The following KCNK17 variants were observed in gnomAD, a reference collection of about 807,000 sequenced individuals.
The protein encoded by KCNK17 is potassium two pore domain channel subfamily K member 17.
A neutral mutation model predicts 24.6 loss-of-function variants in KCNK17; 27 were observed. That is an observed-to-expected ratio of 1.10 (90% CI 0.81 to 1.51). The LOEUF (loss-of-function observed/expected upper bound fraction) is 1.51. Among genes scored for constraint, KCNK17 ranks in the 40% most tolerant of loss-of-function variants. KCNK17 has a pLI of 0.00. For missense variants in KCNK17, 450 were observed against 436.6 expected (o/e 1.03, Z -0.27); for synonymous variants, 181 against 189.8 (o/e 0.95, Z 0.38).
intron 2 of KCNK17, among the ~76,000 whole-genome samples, chr6:39,308,668 G>A (rs929682467): frequency 6.6e-6 from 1 of 152,226 alleles, no homozygotes; most frequent in African/African-American, 2.4e-5. Flanking sequence ...TCATAGATGA[G>A]TGATTTCTGG....
rs1762224374 is a variant in KCNK17, at chr6:39,314,267, C to T, written c.54G>A (p.Ala18=). The T allele has an allele frequency of 5.3e-6, 8 of 1,523,156 alleles. No homozygotes were observed. The highest frequency in any genetic ancestry group is 7.0e-6 in the Non-Finnish European group (8 of 1,139,932). 94.4% of individuals were successfully genotyped at this position (1,523,156 alleles called of 1,614,324 possible). ...AAPEGRVRGC[A]VPSTVLLLLA... ...GCAGCAGGAGCACGGTGCTGGGCAC[C>T]GCGCAGCCCCGGACCCTGCCCTCGG... The change falls in exon 1 of 5, where the codon GCG becomes GCA. Residue 18 remains alanine (A), a synonymous_variant. Transcript: ENST00000373231.
chr6:39,302,897 G>T lies in KCNK17; in HGVS notation c.688+1060C>A, dbSNP rs539049752. On this transcript the variant is annotated intron_variant, in intron 4 of 4. Transcript: ENST00000373231. ...CTTCCTGGGGACCTTGCAAACAGAG[G>T]CTAGAAGGCACTGAGGGGCTCTAGG... 7.9e-5 allele frequency among the ~76,000 whole-genome samples: 12 copies of T among 152,250 alleles called. 1 individual carries two copies. In the East Asian group the frequency reaches 2.3e-3, roughly 29 times the overall value.
rs879930003 is a variant in KCNK17, at chr6:39,299,308, T to C, written c.*119A>G. On this transcript the variant is annotated 3_prime_UTR_variant, in exon 5 of 5. Coordinates refer to ENST00000373231, the MANE Select transcript of KCNK17 (RefSeq NM_031460.4). ...ACCCTATTGGGCAGAATTAATCATA[T>C]AGCTGCACCCAGCCTCTAGGGTGGA... 21 of 740,748 alleles carry C rather than the reference T, an allele frequency of 2.8e-5. No individual in the cohort carries two copies. In the Admixed American group the frequency reaches 3.2e-4, roughly 11 times the overall value. The allele number at this position is 740,748 out of a possible 1,614,324, so 45.9% of individuals were successfully genotyped here.
intron 2 of KCNK17, among the ~76,000 whole-genome samples, chr6:39,309,565 T>C (rs1484586565): frequency 2.0e-5 from 3 of 151,996 alleles, no homozygotes; most frequent in African/African-American, 7.3e-5. Flanking sequence ...CTAGGGGTGG[T>C]AGAGCTGGGA....
Position 39,299,563 on chromosome 6 carries a change from T to C in KCNK17, c.863A>G (p.Gln288Arg). Residue 288 changes from glutamine to arginine, a missense_variant, in exon 5 of 5, where the codon CAA becomes CGA. By Grantham distance (43) the Gln-to-Arg change is conservative (BLOSUM62 1). Transcript: ENST00000373231. The part of the protein sequence containing the change: ...HHSSKEDFKS[Q>R]SWRQGPDREP... ...CCGGTCAGGTCCCTGTCTCCAGCTTTGGGACTTGAAGTCTTCCTTAGAGCT... is the reference window on the plus strand; with the variant it reads ...CCGGTCAGGTCCCTGTCTCCAGCTTCGGGACTTGAAGTCTTCCTTAGAGCT... 2.5e-6 allele frequency: 4 copies of C among 1,614,190 alleles called. No individual in the cohort carries two copies. Among genetic ancestry groups the C allele is most frequent in the Non-Finnish European group, 3.4e-6 (4 of 1,180,032 alleles).
intron 2 of KCNK17, among the ~76,000 whole-genome samples, chr6:39,306,766 G>GTT (rs34588404): frequency 0.015 from 1,919 of 130,480 alleles, 24 homozygotes; most frequent in African/African-American, 0.023. Context: ...TTCTTTCTTT[G>GTT]TTTTTTTTTT....
rs148824256 is a variant in KCNK17, at chr6:39,300,280, G to A, written c.689-543C>T. ...CGGGACTACAGGCGCCTGCCGCCAC[G>A]CCCGGCTATTTTTTTGTATTTTAGT... On this transcript the variant is annotated intron_variant, in intron 4 of 4. Coordinates refer to ENST00000373231, the MANE Select transcript of KCNK17 (RefSeq NM_031460.4). 1,098 of 577,982 alleles carry A rather than the reference G, an allele frequency of 1.9e-3. 11 individuals are homozygous for A. Among genetic ancestry groups the A allele is most frequent in the African/African-American group, 0.018 (980 of 53,148 alleles). 35.8% of individuals were successfully genotyped at this position (577,982 alleles called of 1,614,324 possible).
intron 2 of KCNK17, among the ~76,000 whole-genome samples, chr6:39,305,703 G>A (rs978649615): frequency 6.6e-6 from 1 of 152,136 alleles, no homozygotes; most frequent in African/African-American, 2.4e-5. Context: ...TCTCCTGTCT[G>A]CTGGGGAAAG....
intron 4 of KCNK17, among the ~76,000 whole-genome samples, chr6:39,303,273 A>G (rs1761973616): frequency 6.6e-6 from 1 of 152,172 alleles, no homozygotes; most frequent in African/African-American, 2.4e-5. Context: ...TAGTGGTGCC[A>G]GCGGCACCTT....
rs146698175 is a variant in KCNK17, at chr6:39,308,400, C to T, written c.352+2493G>A. 1.4e-3 allele frequency among the ~76,000 whole-genome samples: 219 copies of T among 152,360 alleles called. 2 individuals carry two copies. The highest frequency in any genetic ancestry group is 5.2e-3 in the African/African-American group (216 of 41,582). On this transcript the variant is annotated intron_variant, in intron 2 of 4. Coordinates refer to ENST00000373231, the MANE Select transcript of KCNK17 (RefSeq NM_031460.4). ...CCGCCTCCCAGGCTCAAGCGATTCT[C>T]GTGCTTCTGCCTCCCAAATAGCTGG... is the stretch of plus-strand genomic sequence containing the variant.
intron 4 of KCNK17, among the ~76,000 whole-genome samples, chr6:39,301,515 T>G (rs1214534912): frequency 6.6e-6 from 1 of 152,268 alleles, no homozygotes; most frequent in Non-Finnish European, 1.5e-5. Flanking sequence ...ATGATTCCGC[T>G]GATGGTCCTA....
chr6:39,310,860 A>AACCCCAGG, intron 2 of KCNK17, 33 bp downstream of exon 2: 1 of 681,830 alleles, frequency 1.5e-6, no homozygotes, highest in Non-Finnish European at 2.4e-6. Context: ...TCCTTCCCCC[A>AACCCCAGG]CCCCCATCCC....
rs1761912909 is a variant in KCNK17, at chr6:39,299,518, G to A, written c.908C>T (p.Pro303Leu). Residue 303 changes from proline (P) to leucine (L), a missense_variant, in exon 5 of 5, where the codon CCA becomes CTA. Transcript: ENST00000373231. ...GPDREPESHS[P>L]QQGCYPEGPM... ...TCCCTCTGGATAGCATCCTTGCTGT[G>A]GGGAGTGGGACTCTGGCTCCCGGTC... is the stretch of plus-strand genomic sequence containing the variant. The A allele has an allele frequency of 6.2e-7, 1 of 1,614,186 alleles. No homozygotes were observed. Among genetic ancestry groups the A allele is most frequent in the Non-Finnish European group, 8.5e-7 (1 of 1,180,024 alleles).
intron 4 of KCNK17, 118 bp downstream of exon 4, chr6:39,303,834 GATTTT>G (rs1205836356): frequency 8.9e-7 from 1 of 1,117,952 alleles, no homozygotes; most frequent in East Asian, 2.4e-5. Flanking sequence ...AGTGTCTCCG[GATTTT>G]GGGCCCAAAA....
Position 39,310,873 on chromosome 6 carries a change from T to C in KCNK17, c.352+20A>G, listed in dbSNP as rs926684317. ...CCTCCTTCCCCCACCCCCATCCCCC[T>C]GGCCCCATCTGGCCCTTACCAATGG... On this transcript the variant is annotated intron_variant, in intron 2 of 4. Transcript: ENST00000373231. The C allele has an allele frequency of 2.9e-4, 214 of 728,598 alleles. No individual in the cohort carries two copies. Among genetic ancestry groups the C allele is most frequent in the Non-Finnish European group, 4.6e-4 (196 of 429,596 alleles). 45.1% of individuals were successfully genotyped at this position (728,598 alleles called of 1,614,324 possible). A position where few individuals can be genotyped will look rare whatever the true frequency, so the allele number is the denominator to read the frequency against.
intron 2 of KCNK17, among the ~76,000 whole-genome samples, chr6:39,308,959 A>C (rs1762083174): frequency 6.6e-6 from 1 of 152,062 alleles, no homozygotes; most frequent in Non-Finnish European, 1.5e-5. Context: ...TGGCTAGTCA[A>C]CTCTGCTTCT....
chr6:39,304,561 G>A lies in KCNK17; in HGVS notation c.447C>T (p.Asn149=), dbSNP rs1583766760. 1.9e-6 allele frequency: 3 copies of A among 1,614,164 alleles called. No homozygotes were observed. Among genetic ancestry groups the A allele is most frequent in the Non-Finnish European group, 2.5e-6 (3 of 1,180,002 alleles). The change falls in exon 3 of 5, where the codon AAC becomes AAT. Residue 149 remains asparagine, a synonymous_variant. Coordinates refer to ENST00000373231, the MANE Select transcript of KCNK17 (RefSeq NM_031460.4). Reference sequence around the variant, plus strand: ...CCTGCTGCATGAGATGCCCCAGTCGGTTGAGCACCACGAGGTTGAGTGGGA... The same window carrying A: ...CCTGCTGCATGAGATGCCCCAGTCGATTGAGCACCACGAGGTTGAGTGGGA... ...VGIPLNLVVL[N]RLGHLMQQGV...
intron 2 of KCNK17, among the ~76,000 whole-genome samples, chr6:39,309,994 C>G (rs114267155): frequency 0.012 from 1,882 of 152,280 alleles, 39 homozygotes; most frequent in African/African-American, 0.042. Flanking sequence ...GATGGAGAAT[C>G]CTCTGGGTGC....
intron 1 of KCNK17, 106 bp from the exon 2 acceptor site, chr6:39,311,113 C>T (rs900252839): frequency 9.2e-6 from 5 of 542,392 alleles, no homozygotes; most frequent in Middle Eastern, 4.3e-4. Context: ...CACACACACA[C>T]ACACACAAAC....
Sources: allele counts gnomAD v4.1 joint callset (sites outside exome capture counted in the v4.1 genomes callset), GRCh38; gene constraint gnomAD v4.1.1; transcripts MANE v1.5; gene names NCBI Gene and HGNC (gene_info 2026-07-23, HGNC 2026-07-21).